Variants in NR1I2 observed in about 807,000 individuals in gnomAD.
The protein encoded by NR1I2 is nuclear receptor subfamily 1 group I member 2.
A neutral mutation model predicts 43.3 loss-of-function variants in NR1I2; 42 were observed. The ratio of observed to expected loss-of-function variants is 0.97; its 90% CI spans 0.76 to 1.26. NR1I2 has a LOEUF of 1.26. Ranked by LOEUF, NR1I2 falls within the 50% of genes most tolerant of loss-of-function variation. NR1I2 has a pLI of 0.00. For synonymous variants in NR1I2, 229 were observed against 215.0 expected, an observed-to-expected ratio of 1.06 and a Z score of -0.57; for missense variants, 559 against 566.7, an observed-to-expected ratio of 0.99 and a Z score of 0.14.
chr3:119,815,623 G>T, intron 7 of NR1I2, 103 bp from the exon 8 acceptor site: 1 of 1,119,816 alleles, frequency 8.9e-7, no homozygotes, highest in South Asian at 1.3e-5. Context: ...CTGCCTGGGT[G>T]ACTCCAGCTC....
At chr3:119,799,226 C>T (rs1473777917) in intron 1 of NR1I2, among the ~76,000 whole-genome samples, 1 of 152,146 alleles carries the variant, frequency 6.6e-6, no homozygotes, top group Non-Finnish European at 1.5e-5. Flanking sequence ...TGTAGCCATT[C>T]TTGTGTATTG....
chr3:119,809,912 C>G, intron 2 of NR1I2, 149 bp from the exon 3 acceptor site: 1 of 1,015,214 alleles, frequency 9.9e-7, no homozygotes, highest in Non-Finnish European at 1.5e-6. Flanking sequence ...ACACCCTTCC[C>G]ATAAAGCCTG....
At chr3:119,808,342 C>T (rs1031961346) in intron 2 of NR1I2, among the ~76,000 whole-genome samples, 1 of 152,350 alleles carries the variant, frequency 6.6e-6, no homozygotes, top group South Asian at 2.1e-4. Context: ...TCAGCAGAAG[C>T]GCACAAAGGC....
chr3:119,782,390 G>A (rs2054785149), intron 1 of NR1I2, 90 bp downstream of exon 1: 1 of 233,350 alleles, frequency 4.3e-6, no homozygotes, highest in Non-Finnish European at 8.7e-6. Context: ...TATACCTTCT[G>A]TTTGAGGTCA....
intron 5 of NR1I2, 53 bp from the exon 6 acceptor site, chr3:119,814,926 T>C (rs6797879): frequency 0.94 from 1,513,762 of 1,612,016 alleles, 711,630 homozygotes; most frequent in Admixed American, 0.97. Context: ...CTGGTGCCGG[T>C]CTGTGGGCTG....
intron 1 of NR1I2, among the ~76,000 whole-genome samples, chr3:119,794,859 A>T (rs1488653451): frequency 2.7e-5 from 4 of 150,668 alleles, no homozygotes; most frequent in Non-Finnish European, 5.9e-5. Context: ...GAATTGCTTG[A>T]ACCCAGGAGG....
chr3:119,810,358 G>A, intron 3 of NR1I2, 164 bp downstream of exon 3: 1 of 1,100,248 alleles, frequency 9.1e-7, no homozygotes, highest in South Asian at 1.6e-5. Flanking sequence ...GCCACCTGGG[G>A]GAGCGCTTGC....
At chr3:119,798,920 A>G (rs1473665304) in intron 1 of NR1I2, among the ~76,000 whole-genome samples, 1 of 152,216 alleles carries the variant, frequency 6.6e-6, no homozygotes, top group Non-Finnish European at 1.5e-5. Context: ...TTCCAGGTGC[A>G]TTCCACATTT....
chr3:119,810,594 T>G, intron 3 of NR1I2: 1 of 247,822 alleles, frequency 4.0e-6, no homozygotes. Flanking sequence ...CGGGGCCTTC[T>G]AGGTGCTAGC....
intron 1 of NR1I2, among the ~76,000 whole-genome samples, chr3:119,796,829 C>T (rs550913734): frequency 6.6e-6 from 1 of 152,358 alleles, no homozygotes; most frequent in African/African-American, 2.4e-5. Flanking sequence ...GCAGTGCACT[C>T]TCCTCTTCCT....
At chr3:119,791,875 C>T (rs2054923710) in intron 1 of NR1I2, 2 of 594,996 alleles carry the variant, frequency 3.4e-6, no homozygotes, top group Non-Finnish European at 3.2e-6. Flanking sequence ...TTAGCTGTTG[C>T]AGAAGGCATG....
chr3:119,817,724 C>T lies in NR1I2; in HGVS notation c.*512C>T. On this transcript the variant is annotated 3_prime_UTR_variant, in exon 9 of 9. Coordinates refer to ENST00000393716, the MANE Select transcript of NR1I2 (RefSeq NM_003889.4). ...GCTTTGTGGGCTCCAGGCCTGTACT[C>T]ATCGGCAGGCGCATGAGTATCTGTG... 9.5e-7 allele frequency: 1 copy of T among 1,051,072 alleles called. No individual in the cohort carries two copies. Among genetic ancestry groups the T allele is most frequent in the Admixed American group, 4.9e-5 (1 of 20,326 alleles). 65.1% of individuals were successfully genotyped at this position (1,051,072 alleles called of 1,614,324 possible).
intron 1 of NR1I2, chr3:119,782,799 CAG>C (rs757093490): frequency 2.8e-5 from 45 of 1,614,074 alleles, no homozygotes; most frequent in Non-Finnish European, 3.6e-5. Context: ...AGGGGTCCCT[CAG>C]AGCACCTGCC....
chr3:119,798,213 T>A (rs2055026333), intron 1 of NR1I2, among the ~76,000 whole-genome samples: 1 of 152,196 alleles, frequency 6.6e-6, no homozygotes, highest in South Asian at 2.1e-4. Flanking sequence ...CTTAATGCTC[T>A]TTTTTGTTTG....
chr3:119,808,281 G>A (rs1257480474), intron 2 of NR1I2, among the ~76,000 whole-genome samples: 1 of 152,172 alleles, frequency 6.6e-6, no homozygotes, highest in Non-Finnish European at 1.5e-5. Flanking sequence ...TTGCAGTCTG[G>A]CTCCCCTTGT....
intron 1 of NR1I2, among the ~76,000 whole-genome samples, chr3:119,786,939 C>T (rs959241269): frequency 5.9e-5 from 9 of 152,092 alleles, no homozygotes; most frequent in African/African-American, 2.2e-4. Context: ...TGTGAAAAAA[C>T]AACTTGCATC....
intron 1 of NR1I2, among the ~76,000 whole-genome samples, chr3:119,792,856 C>A (rs1274145450): frequency 6.6e-6 from 1 of 151,898 alleles, no homozygotes; most frequent in Non-Finnish European, 1.5e-5. Flanking sequence ...GAGTGGGTGA[C>A]AGAGGAAGAC....
intron 2 of NR1I2, 118 bp from the exon 3 acceptor site, chr3:119,809,943 C>CTAGT: frequency 7.5e-7 from 1 of 1,332,218 alleles, no homozygotes; most frequent in Non-Finnish European, 1.1e-6. Context: ...GACGCAAAGG[C>CTAGT]TAGTGTCCCC....
At chr3:119,805,224 T>C (rs1309716908) in intron 1 of NR1I2, among the ~76,000 whole-genome samples, 1 of 152,234 alleles carries the variant, frequency 6.6e-6, no homozygotes, top group East Asian at 1.9e-4. Context: ...TTCTCATGTC[T>C]AATTCTAGAA....
Sources: allele counts gnomAD v4.1 joint callset (sites outside exome capture counted in the v4.1 genomes callset), GRCh38; gene constraint gnomAD v4.1.1; transcripts MANE v1.5; gene names NCBI Gene and HGNC (gene_info 2026-07-23, HGNC 2026-07-21).